CCDC146: variants seen among roughly 807,000 people sequenced by gnomAD.
The protein encoded by CCDC146 is coiled-coil domain containing 146, also known as coiled-coil domain-containing protein 146.
Under a neutral mutation model 119.3 loss-of-function variants are expected in CCDC146, and 92 were observed. That is an observed-to-expected ratio of 0.77 (90% CI 0.65 to 0.92). The LOEUF is 0.92. Ranked by LOEUF, CCDC146 falls within the 40% of genes least tolerant of loss-of-function variation. The pLI is 0.00. For synonymous variants in CCDC146, 372 were observed against 371.8 expected (o/e 1.00, Z -0.01); for missense variants, 1,000 against 1,103.0 (o/e 0.91, Z 1.32).
intron 1 of CCDC146, among the ~76,000 whole-genome samples, chr7:77,163,848 TTTC>T (rs1791299983): frequency 1.8e-5 from 2 of 109,508 alleles, no homozygotes; most frequent in Admixed American, 9.2e-5. Context: ...TCTTTCTTTC[TTTC>T]TTTTTTTTCT....
At chr7:77,154,529 C>G (rs1404903654) in intron 1 of CCDC146, among the ~76,000 whole-genome samples, 2 of 140,904 alleles carry the variant, frequency 1.4e-5, no homozygotes, top group Admixed American at 7.7e-5. Context: ...TTGTTCAATT[C>G]CCACCTATGA....
intron 1 of CCDC146, among the ~76,000 whole-genome samples, chr7:77,148,075 G>A (rs1360054872): frequency 6.6e-6 from 1 of 152,200 alleles, no homozygotes; most frequent in African/African-American, 2.4e-5. Context: ...GAGCTTCCAG[G>A]CCACTTTGAT....
At chr7:77,148,553 G>A (rs117999628) in intron 1 of CCDC146, among the ~76,000 whole-genome samples, 1,611 of 151,408 alleles carry the variant, frequency 0.011, 11 homozygotes, top group South Asian at 0.02. Context: ...TCTTGGAACC[G>A]TCCCCTGATT....
At chr7:77,237,128 T>G in intron 3 of CCDC146, 99 bp downstream of exon 3, 2 of 956,906 alleles carry the variant, frequency 2.1e-6, no homozygotes, top group Non-Finnish European at 3.3e-6. Flanking sequence ...AAGCAGACCC[T>G]GAGGCAAGGA....
At position 77,161,169 on chromosome 7, in the gene CCDC146, A is replaced by T. The variant is rs1418771368; in HGVS notation, c.-11-6489A>T. Among the ~76,000 whole-genome samples, 5 of 152,282 alleles carry T rather than the reference A, an allele frequency of 3.3e-5. 1 individual carries two copies. The highest frequency in any genetic ancestry group is 2.9e-5 in the Non-Finnish European group (2 of 68,024). The stretch of plus-strand genomic sequence containing the variant: ...CTGGAGAGGATGTGTAGAAATAGGA[A>T]CACTTTTACACTGTTGGTGGGACTG... On this transcript the variant is annotated intron_variant, in intron 1 of 18. Transcript: ENST00000285871.
intron 1 of CCDC146, among the ~76,000 whole-genome samples, chr7:77,134,014 A>T (rs1008543702): frequency 2.6e-5 from 4 of 152,178 alleles, no homozygotes; most frequent in Non-Finnish European, 5.9e-5. Flanking sequence ...CCCTGTGGAT[A>T]CCAAAATCCA....
chr7:77,288,543 G>C, intron 17 of CCDC146, among the ~76,000 whole-genome samples: 1 of 152,218 alleles, frequency 6.6e-6, no homozygotes, highest in Middle Eastern at 3.4e-3. Flanking sequence ...CCATTCATGC[G>C]AGGCCTTTCA....
chr7:77,198,777 T>C (rs936689648), intron 2 of CCDC146: 26 of 210,412 alleles, frequency 1.2e-4, no homozygotes, highest in Non-Finnish European at 3.7e-5. Flanking sequence ...GAAGCGGCAG[T>C]CAGTCAATCA....
intron 2 of CCDC146, chr7:77,194,819 T>C (rs1252483567): frequency 4.6e-5 from 7 of 152,168 alleles, no homozygotes; most frequent in Admixed American, 3.3e-4. Context: ...TCTGAGATGA[T>C]CCCTTTTTAC....
chr7:77,147,311 C>G (rs1421769569), intron 1 of CCDC146, among the ~76,000 whole-genome samples: 3 of 152,206 alleles, frequency 2.0e-5, no homozygotes, highest in Non-Finnish European at 4.4e-5. Context: ...AGCCATTCGT[C>G]TAATCTTTTT....
At chr7:77,159,755 C>CA (rs1791231011) in intron 1 of CCDC146, among the ~76,000 whole-genome samples, 1 of 152,158 alleles carries the variant, frequency 6.6e-6, no homozygotes, top group Admixed American at 6.6e-5. Context: ...TAACAGTGTA[C>CA]AAGGGTTCCT....
chr7:77,206,418 C>T (rs880200), intron 2 of CCDC146, among the ~76,000 whole-genome samples: 10,753 of 152,058 alleles, frequency 0.071, 748 homozygotes, highest in East Asian at 0.27. Flanking sequence ...GGAGTTCAAC[C>T]AGCCCGGCCA....
At chr7:77,293,255 C>T in intron 18 of CCDC146, 55 bp downstream of exon 18, 1 of 1,554,484 alleles carries the variant, frequency 6.4e-7, no homozygotes, top group East Asian at 2.2e-5. Context: ...GGGTTGCATT[C>T]AGGCAACCCA....
intron 5 of CCDC146, among the ~76,000 whole-genome samples, chr7:77,254,873 C>A (rs182216431): frequency 6.6e-6 from 1 of 152,322 alleles, no homozygotes; most frequent in Admixed American, 6.5e-5. Flanking sequence ...ATAGCTATCA[C>A]CCTCATAGCT....
At chr7:77,135,245 T>C (rs1012936555) in intron 1 of CCDC146, among the ~76,000 whole-genome samples, 4 of 152,186 alleles carry the variant, frequency 2.6e-5, no homozygotes, top group Admixed American at 1.3e-4. Context: ...CCCAGCACTT[T>C]GGGAGGCCAT....
chr7:77,252,497 A>G (rs1793094601), intron 4 of CCDC146, among the ~76,000 whole-genome samples: 1 of 152,250 alleles, frequency 6.6e-6, no homozygotes, highest in Admixed American at 6.5e-5. Context: ...AAATGCCATT[A>G]CCAAAAGAAG....
rs79394579 is a variant in CCDC146, at chr7:77,254,501, T to G, written c.450-5T>G. ...TTTTTCAAACTTGATTTTTTTTTTT[T>G]GCAGCTTAAAGGAAGAAAAAATCAT... On this transcript the variant is annotated splice_region_variant and splice_polypyrimidine_tract_variant and intron_variant, in intron 4 of 18. Transcript: ENST00000285871. The G allele has an allele frequency of 6.7e-7, 1 of 1,486,956 alleles. No individual in the cohort carries two copies. The highest frequency in any genetic ancestry group is 1.2e-5 in the South Asian group (1 of 83,226). 92.1% of individuals were successfully genotyped at this position (1,486,956 alleles called of 1,614,324 possible). A position where few individuals can be genotyped will look rare whatever the true frequency, so the allele number is the denominator to read the frequency against.
chr7:77,170,419 T>C (rs1791404053), intron 2 of CCDC146, among the ~76,000 whole-genome samples: 2 of 152,202 alleles, frequency 1.3e-5, no homozygotes, highest in African/African-American at 4.8e-5. Context: ...TTGTTATTAA[T>C]AGTGTGGTGA....
At chr7:77,130,010 A>T (rs1174787180) in intron 1 of CCDC146, among the ~76,000 whole-genome samples, 2 of 152,086 alleles carry the variant, frequency 1.3e-5, no homozygotes, top group Non-Finnish European at 2.9e-5. Context: ...AAGAGTAGTG[A>T]TGCTGACTAC....
Sources: allele counts gnomAD v4.1 joint callset (sites outside exome capture counted in the v4.1 genomes callset), GRCh38; gene constraint gnomAD v4.1.1; transcripts MANE v1.5; gene names NCBI Gene and HGNC (gene_info 2026-07-23, HGNC 2026-07-21).